The following PIEZO1 variants were observed in gnomAD, a reference collection of about 807,000 sequenced individuals.
The protein encoded by PIEZO1 is piezo-type mechanosensitive ion channel component 1.
In PIEZO1, 296 loss-of-function variants were observed where a neutral mutation model predicts 297.2. The observed-to-expected ratio is 1.00, with a 90% CI of 0.91 to 1.10. PIEZO1 has a LOEUF of 1.10. Ranked by LOEUF, PIEZO1 falls within the 50% of genes least tolerant of loss-of-function variation. The pLI is 0.00. For missense variants in PIEZO1, 5,018 were observed against 3,455.5 expected (o/e 1.45, Z -11.34); for synonymous variants, 2,427 against 1,507.5 (o/e 1.61, Z -14.13).
intron 1 of PIEZO1, among the ~76,000 whole-genome samples, chr16:88,771,000 G>A (rs1222079105): frequency 6.6e-6 from 1 of 152,208 alleles, no homozygotes; most frequent in Admixed American, 6.5e-5. Context: ...ATCTGCAGGC[G>A]GGGCCTGGGC....
chr16:88,755,952 G>A (rs533052466), intron 1 of PIEZO1, among the ~76,000 whole-genome samples: 6 of 152,266 alleles, frequency 3.9e-5, no homozygotes, highest in Non-Finnish European at 5.9e-5. Context: ...GCAGAGCCTC[G>A]GAGCGGGGAG....
chr16:88,741,337 G>C (rs139816749), intron 5 of PIEZO1, 141 bp downstream of exon 5: 1 of 780,132 alleles, frequency 1.3e-6, no homozygotes, highest in Non-Finnish European at 2.0e-6. Context: ...GTGGGATTTG[G>C]AACTTCCTCC....
chr16:88,733,774 C>T (rs1438029845), intron 17 of PIEZO1, 29 bp from the exon 18 acceptor site: 9 of 1,500,054 alleles, frequency 6.0e-6, no homozygotes, highest in East Asian at 2.5e-5. Context: ...CAGTGCGGGG[C>T]ACAAACGGGG....
chr16:88,725,406 C>A lies in PIEZO1; in HGVS notation c.4162+10G>T. ...CGGGGCCCTGGGTGCCCGACTCCAG[C>A]TGCACTCACCTGGCTCCAGGCCGGG... On this transcript the variant is annotated intron_variant, in intron 29 of 50. Coordinates refer to ENST00000301015, the MANE Select transcript of PIEZO1 (RefSeq NM_001142864.4). The A allele has an allele frequency of 7.0e-7, 1 of 1,420,808 alleles. No individual in the cohort carries two copies. The highest frequency in any genetic ancestry group is 2.5e-5 in the East Asian group (1 of 39,644). The allele number at this position is 1,420,808 out of a possible 1,614,324, so 88.0% of individuals were successfully genotyped here. A position where few individuals can be genotyped will look rare whatever the true frequency, so the allele number is the denominator to read the frequency against.
At chr16:88,734,836 G>C in intron 14 of PIEZO1, 38 bp from the exon 15 acceptor site, 3 of 1,550,158 alleles carry the variant, frequency 1.9e-6, no homozygotes, top group Non-Finnish European at 2.6e-6. Context: ...ACCGCGGGGA[G>C]GGTCCGTGCC....
In PIEZO1 at chr16:88,722,362, G is replaced by A. The variant is rs1377506243; in HGVS notation, c.4811C>T (p.Thr1604Ile). The change falls in exon 36 of 51, where the codon ACA (threonine) becomes ATA (isoleucine). Residue 1604 changes from threonine to isoleucine, a missense_variant. Physicochemically the swap from Thr to Ile is moderately conservative, Grantham distance 89. Transcript: ENST00000301015. The stretch of plus-strand genomic sequence containing the variant: ...GCTCAGGGGGCTGCCCATGTCGTCT[G>A]TCATGCTGCTGAGTGGCTCCTCCGC... The part of the protein sequence containing the change: ...LGAEEPLSSM[T>I]DDMGSPLSTG... 8 of 1,526,544 alleles carry A rather than the reference G, an allele frequency of 5.2e-6. No individual in the cohort carries two copies. Among genetic ancestry groups the A allele is most frequent in the African/African-American group, 1.4e-5 (1 of 72,570 alleles). The allele number at this position is 1,526,544 out of a possible 1,614,324, so 94.6% of individuals were successfully genotyped here. A position where few individuals can be genotyped will look rare whatever the true frequency, so the allele number is the denominator to read the frequency against.
Position 88,737,939 on chromosome 16 carries a change from C to A in PIEZO1, c.1015G>T (p.Gly339Cys), listed in dbSNP as rs374212543. Residue 339 changes from glycine (G) to cysteine (C), a missense_variant, in exon 8 of 51, where the codon GGC (glycine) becomes TGC (cysteine). Transcript: ENST00000301015. ...LRKLRAYRPS[G>C]QRKEAAKGYE... ...CATGGGTGGCAGGTGCTCACCTGGCCGGAGGGGCGGTACGCGCGGAGCTTG... is the reference window on the plus strand; with the variant it reads ...CATGGGTGGCAGGTGCTCACCTGGCAGGAGGGGCGGTACGCGCGGAGCTTG... The A allele has an allele frequency of 6.5e-7, 1 of 1,529,754 alleles. No homozygotes were observed. Among genetic ancestry groups the A allele is most frequent in the Non-Finnish European group, 8.8e-7 (1 of 1,142,830 alleles). 94.8% of individuals were successfully genotyped at this position (1,529,754 alleles called of 1,614,324 possible).
In PIEZO1 at chr16:88,734,042, C is replaced by G; in HGVS notation, c.2193G>C (p.Val731=). Residue 731 remains valine (V), a synonymous_variant, in exon 17 of 51, where the codon GTG becomes GTC. Coordinates refer to ENST00000301015, the MANE Select transcript of PIEZO1 (RefSeq NM_001142864.4). ...LPRWAHRQDA[V]SGTPLLREEQ... is the part of the protein sequence containing the mutation. ...CCTCCCGCAGCAGTGGGGTCCCACT[C>G]ACTGCATCCTGCCTGGGAGAGGGTC... 1.3e-6 allele frequency: 2 copies of G among 1,526,966 alleles called. No homozygotes were observed. Among genetic ancestry groups the G allele is most frequent in the Non-Finnish European group, 1.8e-6 (2 of 1,133,180 alleles). 94.6% of individuals were successfully genotyped at this position (1,526,966 alleles called of 1,614,324 possible).
intron 21 of PIEZO1, 81 bp downstream of exon 21, chr16:88,732,254 T>G: frequency 7.9e-7 from 1 of 1,269,126 alleles, no homozygotes; most frequent in Non-Finnish European, 1.1e-6. Flanking sequence ...GGGCCAGGCT[T>G]GCGGTGCCTG....
At chr16:88,727,508 T>C in intron 23 of PIEZO1, 49 bp downstream of exon 23, 2 of 734,610 alleles carry the variant, frequency 2.7e-6, no homozygotes, top group Non-Finnish European at 4.5e-6. Context: ...GGGGCGTGAA[T>C]GTACTCTGAG....
chr16:88,774,390 C>T (rs1485964455), intron 1 of PIEZO1, among the ~76,000 whole-genome samples: 1 of 152,132 alleles, frequency 6.6e-6, no homozygotes, highest in Non-Finnish European at 1.5e-5. Context: ...GACTCTGTCT[C>T]GATAAGTAAA....
rs746444593 is a variant in PIEZO1, at chr16:88,716,417, G to A, written c.6993C>T (p.Asn2331=). Residue 2331 remains asparagine (N), a synonymous_variant, in exon 48 of 51, where the codon AAC becomes AAT. Coordinates refer to ENST00000301015, the MANE Select transcript of PIEZO1 (RefSeq NM_001142864.4). ...NEKHMLALAP[N]STARRQLASL... is the part of the protein sequence containing the mutation. ...TGGCCAGCTGCCGCCGTGCAGTGCT[G>A]TTGGGGGCCAGGGCCAGCATGTGCT... 6.5e-7 allele frequency: 1 copy of A among 1,549,778 alleles called. No homozygotes were observed. The highest frequency in any genetic ancestry group is 1.2e-5 in the South Asian group (1 of 83,962).
Position 88,715,623 on chromosome 16 carries a change from C to A in PIEZO1, c.7548G>T (p.Trp2516Cys). Reference protein sequence around the residue: ...LYRSPETMIKWTREKE With the variant: ...LYRSPETMIKCTREKE ...GCAGCTCCTACTCCTTCTCACGAGT[C>A]CACTTGATCATGGTCTCCGGTGAGC... is the stretch of plus-strand genomic sequence containing the variant. The change falls in exon 51 of 51, where the codon TGG (tryptophan) becomes TGT (cysteine). Residue 2516 changes from tryptophan to cysteine, a missense_variant. By Grantham distance (215) the Trp-to-Cys change is radical. Coordinates refer to ENST00000301015, the MANE Select transcript of PIEZO1 (RefSeq NM_001142864.4). 1 of 1,550,072 alleles carries A rather than the reference C, an allele frequency of 6.5e-7. No homozygotes were observed. The highest frequency in any genetic ancestry group is 8.7e-7 in the Non-Finnish European group (1 of 1,146,894).
At chr16:88,756,653 A>T (rs1203830767) in intron 1 of PIEZO1, among the ~76,000 whole-genome samples, 1 of 152,154 alleles carries the variant, frequency 6.6e-6, no homozygotes, top group Non-Finnish European at 1.5e-5. Context: ...CTGTAGTCCC[A>T]GCTACTTGGG....
rs543295883 is a variant in PIEZO1 at position 88,775,692 on chromosome 16, C to G, written c.64+9209G>C. ...TGCAGTGAGCCAAGATCGTGCCACT[C>G]CACTACAGCCTGGGTGGCAGAATAA... On this transcript the variant is annotated intron_variant, in intron 1 of 50. Transcript: ENST00000301015. Among the ~76,000 whole-genome samples, 16 of 144,504 alleles carry G rather than the reference C, an allele frequency of 1.1e-4. 1 individual carries two copies. Among genetic ancestry groups the G allele is most frequent in the South Asian group, 4.4e-4 (2 of 4,586 alleles). 94.8% of individuals were successfully genotyped at this position (144,504 alleles called of 152,430 possible). A position where few individuals can be genotyped will look rare whatever the true frequency, so the allele number is the denominator to read the frequency against.
In PIEZO1 at chr16:88,719,690, G is replaced by T. The variant is rs538239627; in HGVS notation, c.6355C>A (p.Arg2119=). Residue 2119 remains arginine (R), a synonymous_variant, in exon 44 of 51, where the codon CGG becomes AGG. Coordinates refer to ENST00000301015, the MANE Select transcript of PIEZO1 (RefSeq NM_001142864.4). Reference sequence around the variant, plus strand: ...GTCCACACCCAGTCCATCACTGCCCGCAGCTCCACCAGGAACGGCACCAGC... The same window carrying T: ...GTCCACACCCAGTCCATCACTGCCCTCAGCTCCACCAGGAACGGCACCAGC... ...FRLVPFLVEL[R]AVMDWVWTDT... The T allele has an allele frequency of 2.0e-5, 31 of 1,552,448 alleles. No homozygotes were observed. The highest frequency in any genetic ancestry group is 2.5e-5 in the Non-Finnish European group (29 of 1,148,144).
intron 1 of PIEZO1, among the ~76,000 whole-genome samples, chr16:88,779,293 C>G (rs1907818032): frequency 6.6e-6 from 1 of 152,198 alleles, no homozygotes; most frequent in South Asian, 2.1e-4. Flanking sequence ...CCTGCCTCGG[C>G]TTCCCAAAGT....
In PIEZO1 at chr16:88,736,699, G is replaced by T. The variant is rs1337927854; in HGVS notation, c.1236C>A (p.Leu412=). Residue 412 remains leucine (L), a synonymous_variant, in exon 11 of 51, where the codon CTC becomes CTA. Transcript: ENST00000301015. The part of the protein sequence containing the change: ...KRAEPREASP[L]HSLGHLIMDQ... ...CCATGATGAGGTGGCCCAGGCTGTGGAGCGGAGACGCCTCCCTGGGCTCAG... is the reference window on the plus strand; with the variant it reads ...CCATGATGAGGTGGCCCAGGCTGTGTAGCGGAGACGCCTCCCTGGGCTCAG... 3.3e-6 allele frequency: 5 copies of T among 1,532,838 alleles called. No individual in the cohort carries two copies. The African/African-American group carries it at 6.9e-5, about 21-fold the overall frequency. The allele number at this position is 1,532,838 out of a possible 1,614,324, so 95.0% of individuals were successfully genotyped here.
chr16:88,781,025 T>G (rs1303214040), intron 1 of PIEZO1, among the ~76,000 whole-genome samples: 1 of 152,184 alleles, frequency 6.6e-6, no homozygotes, highest in Non-Finnish European at 1.5e-5. Flanking sequence ...AACATTTTGT[T>G]GAATTGAAAA....
Sources: allele counts gnomAD v4.1 joint callset (sites outside exome capture counted in the v4.1 genomes callset), GRCh38; gene constraint gnomAD v4.1.1; transcripts MANE v1.5; gene names NCBI Gene and HGNC (gene_info 2026-07-23, HGNC 2026-07-21).